KAZN: variants seen among roughly 807,000 people sequenced by gnomAD.
KAZN encodes the protein kazrin.
Under a neutral mutation model 87.4 loss-of-function variants are expected in KAZN, and 40 were observed. The observed-to-expected ratio is 0.46, with a 90% CI of 0.36 to 0.60. The LOEUF (loss-of-function observed/expected upper bound fraction) is 0.60. KAZN is among the 20% of genes least tolerant of loss of function. KAZN has a pLI of 0.00. For synonymous variants in KAZN, 466 were observed against 458.3 expected (o/e 1.02, Z -0.22); for missense variants, 898 against 1,073.9 (o/e 0.84, Z 2.29).
chr1:13,932,941 A>T (rs976019690), intron 1 of KAZN, among the ~76,000 whole-genome samples: 1 of 152,192 alleles, frequency 6.6e-6, no homozygotes, highest in Non-Finnish European at 1.5e-5. Context: ...TTTTTGGGGG[A>T]ATAATTTTAG....
intron 1 of KAZN, among the ~76,000 whole-genome samples, chr1:14,924,981 C>T (rs978227706): frequency 6.6e-6 from 1 of 152,238 alleles, no homozygotes; most frequent in Non-Finnish European, 1.5e-5. Context: ...GAGGGGAGCC[C>T]CCTTCACCGC....
intron 2 of KAZN, among the ~76,000 whole-genome samples, chr1:14,204,416 A>G (rs1646698278): frequency 1.3e-5 from 2 of 152,354 alleles, no homozygotes; most frequent in African/African-American, 4.8e-5. Context: ...AGAATGGTCC[A>G]TTTATATGGC....
At chr1:14,021,831 C>G (rs2101258192) in intron 1 of KAZN, among the ~76,000 whole-genome samples, 1 of 152,134 alleles carries the variant, frequency 6.6e-6, no homozygotes, top group East Asian at 1.9e-4. Flanking sequence ...CCAATTTGTT[C>G]CAACAGCTGC....
intron 1 of KAZN, among the ~76,000 whole-genome samples, chr1:14,058,123 C>T (rs1461821105): frequency 6.6e-6 from 1 of 152,138 alleles, no homozygotes; most frequent in East Asian, 1.9e-4. Flanking sequence ...CCTCCATATG[C>T]CCCACCTGTG....
At chr1:14,946,658 T>C (rs1370446735) in intron 1 of KAZN, among the ~76,000 whole-genome samples, 1 of 152,204 alleles carries the variant, frequency 6.6e-6, no homozygotes, top group African/African-American at 2.4e-5. Context: ...TGGCGACGTC[T>C]AGGAGAGCCT....
At chr1:14,481,094 C>T (rs900776141) in intron 2 of KAZN, among the ~76,000 whole-genome samples, 5 of 151,918 alleles carry the variant, frequency 3.3e-5, no homozygotes, top group Non-Finnish European at 1.5e-5. Context: ...TAACCCAGTT[C>T]AGTAGGTGTA....
At chr1:14,657,096 T>G (rs1427394617) in intron 1 of KAZN, among the ~76,000 whole-genome samples, 1 of 147,154 alleles carries the variant, frequency 6.8e-6, no homozygotes, top group African/African-American at 2.5e-5. Context: ...TTTTTTTTTT[T>G]TTTGAGACAG....
chr1:14,399,708 T>A (rs1262242339), intron 2 of KAZN, among the ~76,000 whole-genome samples: 1 of 152,088 alleles, frequency 6.6e-6, no homozygotes, highest in African/African-American at 2.4e-5. Context: ...CTTGGAATCT[T>A]CCCACATGCT....
chr1:14,541,527 C>T (rs181572881), intron 2 of KAZN, among the ~76,000 whole-genome samples: 5 of 152,324 alleles, frequency 3.3e-5, no homozygotes, highest in Non-Finnish European at 7.3e-5. Context: ...CCAGAATTCA[C>T]TGATAAGCCA....
rs577808278 is a variant in KAZN, at chr1:14,788,647, C to T, written c.227-172037C>T. On this transcript the variant is annotated intron_variant, in intron 1 of 14. Coordinates refer to ENST00000376030, the MANE Select transcript of KAZN (RefSeq NM_201628.3). ...AAAGCACCAGGCACCAAAGGGCCTC[C>T]GTCAAAGCTTACGACCCAGAGGCCT... 4.0e-4 allele frequency among the ~76,000 whole-genome samples: 61 copies of T among 152,274 alleles called. No individual in the cohort carries two copies. The South Asian group carries it at 5.4e-3, about 13-fold the overall frequency.
intron 2 of KAZN, among the ~76,000 whole-genome samples, chr1:14,444,153 C>G (rs1301198228): frequency 6.6e-6 from 1 of 152,104 alleles, no homozygotes; most frequent in African/African-American, 2.4e-5. Context: ...CTTTGAATTG[C>G]AAAGGCTTTC....
intron 1 of KAZN, among the ~76,000 whole-genome samples, chr1:13,975,647 G>A (rs10927976): frequency 0.13 from 19,547 of 152,170 alleles, 1,414 homozygotes; most frequent in South Asian, 0.21. Flanking sequence ...GTGGATGAAT[G>A]AGCCATACAT....
chr1:14,316,974 A>G (rs1655697206), intron 2 of KAZN, among the ~76,000 whole-genome samples: 1 of 151,974 alleles, frequency 6.6e-6, no homozygotes, highest in African/African-American at 2.4e-5. Flanking sequence ...GGTGAATATT[A>G]CATATGGACT....
intron 1 of KAZN, among the ~76,000 whole-genome samples, chr1:14,943,446 C>T (rs1661382843): frequency 6.6e-6 from 1 of 152,192 alleles, no homozygotes; most frequent in Admixed American, 6.5e-5. Context: ...CCAGAAGTCT[C>T]TGGGGACCCA....
chr1:14,230,778 G>GTTA (rs571897415), intron 2 of KAZN, among the ~76,000 whole-genome samples: 132 of 152,162 alleles, frequency 8.7e-4, no homozygotes, highest in African/African-American at 3.1e-3. Context: ...CAGTAAGAAG[G>GTTA]TTATAAACAA....
At chr1:14,582,733 GT>G (rs1359588896) in intron 2 of KAZN, among the ~76,000 whole-genome samples, 2 of 152,130 alleles carry the variant, frequency 1.3e-5, no homozygotes, top group African/African-American at 4.8e-5. Context: ...CTCCAAGGTT[GT>G]TTTAATCTTA....
chr1:14,244,306 C>T (rs2100587850), intron 2 of KAZN, among the ~76,000 whole-genome samples: 1 of 152,312 alleles, frequency 6.6e-6, no homozygotes, highest in African/African-American at 2.4e-5. Flanking sequence ...AGAGAAGCCA[C>T]CTCTGGCTAC....
intron 1 of KAZN, among the ~76,000 whole-genome samples, chr1:14,029,602 T>C (rs1232325811): frequency 6.7e-6 from 1 of 150,340 alleles, no homozygotes; most frequent in Non-Finnish European, 1.5e-5. Flanking sequence ...GTTTTTATGG[T>C]TTTAGGTCTA....
rs189345754 is a variant in KAZN at position 14,990,347 on chromosome 1, C to T, written c.418+29472C>T. On this transcript the variant is annotated intron_variant, in intron 2 of 14. Transcript: ENST00000376030. ...AAGCAGTTCTCCCACCTCAGCCTCC[C>T]GAGTAGCTAGGACTACAGGCATGTA... 1.1e-3 allele frequency among the ~76,000 whole-genome samples: 171 copies of T among 152,236 alleles called. 1 individual carries two copies. In the South Asian group the frequency reaches 0.02, roughly 18 times the overall value.
Sources: gnomAD v4.1 joint callset for allele counts (sites outside exome capture counted in the v4.1 genomes callset) on GRCh38, gnomAD v4.1.1 for gene constraint, MANE v1.5 for transcripts, NCBI Gene and HGNC (gene_info 2026-07-23, HGNC 2026-07-21) for gene names.